The following COLEC12 variants were observed in gnomAD, a reference collection of about 807,000 sequenced individuals.
The protein encoded by COLEC12 is collectin subfamily member 12, also known as collectin-12.
Under a neutral mutation model 71.1 loss-of-function variants are expected in COLEC12, and 33 were observed. The observed-to-expected ratio is 0.46, with a 90% confidence interval of 0.35 to 0.62. The LOEUF is 0.62. COLEC12 is among the 20% of genes least tolerant of loss of function. The probability of loss-of-function intolerance (pLI) is 0.00; values close to 1 mark genes in which losing one functional copy is unlikely to be tolerated. For synonymous variants in COLEC12, 350 were observed against 353.0 expected (o/e 0.99, Z 0.10); for missense variants, 765 against 916.1 (o/e 0.84, Z 2.13).
At chr18:449,520 C>T (rs758804659) in intron 2 of COLEC12, among the ~76,000 whole-genome samples, 3 of 152,212 alleles carry the variant, frequency 2.0e-5, no homozygotes, top group Non-Finnish European at 4.4e-5. Context: ...CTGCAGCAAA[C>T]TCTCTCTCAG....
At chr18:498,948 C>A (rs1395227294) in intron 1 of COLEC12, among the ~76,000 whole-genome samples, 1 of 152,162 alleles carries the variant, frequency 6.6e-6, no homozygotes, top group Non-Finnish European at 1.5e-5. Flanking sequence ...ACAAAAGTTT[C>A]AGGGTTTAAG....
At chr18:376,190 C>CG (rs1192579247) in intron 2 of COLEC12, among the ~76,000 whole-genome samples, 5 of 152,136 alleles carry the variant, frequency 3.3e-5, no homozygotes, top group African/African-American at 1.2e-4. Flanking sequence ...TGGTCCACCC[C>CG]AGGGGGTGGG....
At chr18:373,629 G>A (rs1283509169) in intron 2 of COLEC12, among the ~76,000 whole-genome samples, 1 of 152,102 alleles carries the variant, frequency 6.6e-6, no homozygotes, top group Non-Finnish European at 1.5e-5. Context: ...GTCAATTTCT[G>A]TAAGTCCCAG....
chr18:404,727 T>A (rs1915752612), intron 2 of COLEC12, among the ~76,000 whole-genome samples: 1 of 152,184 alleles, frequency 6.6e-6, no homozygotes, highest in African/African-American at 2.4e-5. Context: ...GTACGTCACC[T>A]CAAGACCACT....
At chr18:381,176 C>T (rs1355760121) in intron 2 of COLEC12, among the ~76,000 whole-genome samples, 3 of 152,118 alleles carry the variant, frequency 2.0e-5, no homozygotes, top group Non-Finnish European at 4.4e-5. Context: ...GCAGAAATGG[C>T]TATTTACATA....
At chr18:364,013 G>A (rs1033315780) in intron 2 of COLEC12, among the ~76,000 whole-genome samples, 11 of 152,068 alleles carry the variant, frequency 7.2e-5, no homozygotes, top group Non-Finnish European at 1.0e-4. Flanking sequence ...TGTTCAAACC[G>A]GAAAAGTTAC....
intron 2 of COLEC12, among the ~76,000 whole-genome samples, chr18:389,341 C>T (rs1339882945): frequency 2.0e-5 from 3 of 150,830 alleles, no homozygotes; most frequent in Non-Finnish European, 2.9e-5. Flanking sequence ...GCAAGCTCTG[C>T]GATCTCGGCT....
chr18:401,773 C>G (rs1291778485), intron 2 of COLEC12, among the ~76,000 whole-genome samples: 5 of 152,082 alleles, frequency 3.3e-5, no homozygotes, highest in Non-Finnish European at 7.4e-5. Context: ...GTACTGGGTA[C>G]AATGTATTGA....
At chr18:389,760 CCT>C (rs1233849583) in intron 2 of COLEC12, among the ~76,000 whole-genome samples, 18 of 152,156 alleles carry the variant, frequency 1.2e-4, no homozygotes, top group African/African-American at 3.6e-4. Context: ...TCCCCTACTC[CCT>C]GAGAGAATCA....
chr18:474,648 C>T (rs1917268084), intron 2 of COLEC12, among the ~76,000 whole-genome samples: 1 of 152,182 alleles, frequency 6.6e-6, no homozygotes, highest in Non-Finnish European at 1.5e-5. Context: ...TTAGGAGCTC[C>T]ACCTGCCTGC....
At chr18:342,483 C>T (rs140535364) in intron 5 of COLEC12, among the ~76,000 whole-genome samples, 6 of 152,318 alleles carry the variant, frequency 3.9e-5, no homozygotes, top group South Asian at 2.1e-4. Flanking sequence ...AGGAATTTTC[C>T]GGAAAGCATC....
At chr18:450,160 T>C (rs1465978025) in intron 2 of COLEC12, among the ~76,000 whole-genome samples, 1 of 152,194 alleles carries the variant, frequency 6.6e-6, no homozygotes, top group African/African-American at 2.4e-5. Flanking sequence ...ACTTTCTTTT[T>C]TAAAACTCTC....
chr18:363,159 G>C (rs922068260), intron 2 of COLEC12, among the ~76,000 whole-genome samples: 2 of 152,132 alleles, frequency 1.3e-5, no homozygotes, highest in Non-Finnish European at 2.9e-5. Context: ...TTTCTGCTGT[G>C]GTTCTCCATA....
At chr18:368,447 G>T (rs1376129069) in intron 2 of COLEC12, among the ~76,000 whole-genome samples, 6 of 152,126 alleles carry the variant, frequency 3.9e-5, no homozygotes, top group Non-Finnish European at 7.3e-5. Flanking sequence ...AGTGGCACAT[G>T]CCTGTAGTCC....
intron 5 of COLEC12, among the ~76,000 whole-genome samples, chr18:345,247 G>T (rs999565570): frequency 6.6e-6 from 1 of 152,228 alleles, no homozygotes; most frequent in African/African-American, 2.4e-5. Context: ...AAAATAGTTT[G>T]TGACTGGAAA....
intron 1 of COLEC12, among the ~76,000 whole-genome samples, chr18:499,020 TG>T (rs1357655763): frequency 6.6e-6 from 1 of 152,204 alleles, no homozygotes; most frequent in Non-Finnish European, 1.5e-5. Context: ...TAAAAACCAC[TG>T]GTCTTAATGA....
intron 2 of COLEC12, among the ~76,000 whole-genome samples, chr18:365,457 T>C (rs1276869845): frequency 6.6e-6 from 1 of 152,196 alleles, no homozygotes; most frequent in Admixed American, 6.5e-5. Flanking sequence ...CAGTTTAAGC[T>C]TGAAACCAAA....
At chr18:468,552 T>C (rs1050318508) in intron 2 of COLEC12, among the ~76,000 whole-genome samples, 6 of 152,242 alleles carry the variant, frequency 3.9e-5, no homozygotes, top group African/African-American at 1.4e-4. Context: ...ACACAGAGTG[T>C]ATATTCACAT....
chr18:390,550 C>T (rs756022921), intron 2 of COLEC12, among the ~76,000 whole-genome samples: 3 of 152,154 alleles, frequency 2.0e-5, no homozygotes, highest in Non-Finnish European at 2.9e-5. Flanking sequence ...CACCCGAGGT[C>T]GGGAGTTCGA....
Sources: gnomAD v4.1 joint callset for allele counts (sites outside exome capture counted in the v4.1 genomes callset) on GRCh38, gnomAD v4.1.1 for gene constraint, MANE v1.5 for transcripts, NCBI Gene and HGNC (gene_info 2026-07-23, HGNC 2026-07-21) for gene names.